Variants in ORC3 observed in about 807,000 individuals in gnomAD.
The protein encoded by ORC3 is homolog of latheo, Drosophila.
Under a neutral mutation model 100.7 loss-of-function variants are expected in ORC3, and 78 were observed. The observed-to-expected ratio is 0.77, with a 90% CI of 0.65 to 0.94. The LOEUF (loss-of-function observed/expected upper bound fraction) is 0.94. Ranked by LOEUF, ORC3 falls within the 40% of genes least tolerant of loss-of-function variation. The probability of loss-of-function intolerance (pLI) is 0.00; values close to 1 mark genes in which losing one functional copy is unlikely to be tolerated. For synonymous variants in ORC3, 295 were observed against 289.3 expected (o/e 1.02, Z -0.20); for missense variants, 789 against 823.9 (o/e 0.96, Z 0.52).
intron 11 of ORC3, among the ~76,000 whole-genome samples, chr6:87,624,123 C>T (rs1419180925): frequency 6.6e-6 from 1 of 152,082 alleles, no homozygotes; most frequent in Non-Finnish European, 1.5e-5. Flanking sequence ...GATTTGTACC[C>T]TTACCCTGAA....
At chr6:87,677,740 A>C in the ORC3 span, 1 of 1,495,772 alleles carries the variant, frequency 6.7e-7, no homozygotes, top group South Asian at 1.3e-5. Flanking sequence ...GTGTATAGAA[A>C]GTGAAATTAA....
intron 1 of ORC3, among the ~76,000 whole-genome samples, chr6:87,591,806 A>G (rs1200075697): frequency 6.6e-6 from 1 of 151,800 alleles, no homozygotes; most frequent in Non-Finnish European, 1.5e-5. Context: ...ATCTCGGCTC[A>G]CTGCAACCTC....
intron 2 of ORC3, chr6:87,594,702 TTA>T: frequency 1.2e-5 from 4 of 343,006 alleles, no homozygotes; most frequent in Non-Finnish European, 1.8e-5. Context: ...CATTGTTTTT[TTA>T]TCTACAACTT....
chr6:87,673,065 C>A, the ORC3 span, among the ~76,000 whole-genome samples: 1 of 151,018 alleles, frequency 6.6e-6, no homozygotes. Flanking sequence ...AATCAACTAC[C>A]GGACCCATCT....
chr6:87,667,634 G>GA (rs1359517821), downstream of ORC3, among the ~76,000 whole-genome samples: 80 of 137,786 alleles, frequency 5.8e-4, no homozygotes, highest in Middle Eastern at 3.6e-3. Flanking sequence ...CAACTTTAAA[G>GA]AAAAAAAAAA....
In ORC3 at chr6:87,649,185, A is replaced by G. The variant is rs1471221332; in HGVS notation, c.1383-3931A>G. 2.6e-5 allele frequency among the ~76,000 whole-genome samples: 4 copies of G among 152,176 alleles called. No homozygotes were observed. The South Asian group carries it at 8.3e-4, about 31-fold the overall frequency. On this transcript the variant is annotated intron_variant, in intron 13 of 19. Coordinates refer to ENST00000392844, the MANE Select transcript of ORC3 (RefSeq NM_012381.4). ...TGAGATAGTGACCTGTTTTTTTAAA[A>G]TAGTTAATTCTGATACCCAGTATCT...
chr6:87,650,050 T>G (rs1439679277), intron 13 of ORC3, among the ~76,000 whole-genome samples: 1 of 150,886 alleles, frequency 6.6e-6, no homozygotes, highest in Non-Finnish European at 1.5e-5. Context: ...TCACTTACTT[T>G]TTTACACTCT....
intron 16 of ORC3, among the ~76,000 whole-genome samples, chr6:87,662,029 A>AT (rs1297203015): frequency 6.6e-6 from 1 of 152,220 alleles, no homozygotes; most frequent in Non-Finnish European, 1.5e-5. Context: ...ATTATGGCAG[A>AT]TTTTTTATAA....
intron 14 of ORC3, among the ~76,000 whole-genome samples, chr6:87,655,053 C>T (rs1218458255): frequency 6.6e-6 from 1 of 152,154 alleles, no homozygotes; most frequent in Non-Finnish European, 1.5e-5. Context: ...TAATAATAAA[C>T]TGAAACTAAA....
At chr6:87,591,411 G>A (rs1776929600) in intron 1 of ORC3, among the ~76,000 whole-genome samples, 1 of 152,180 alleles carries the variant, frequency 6.6e-6, no homozygotes, top group African/African-American at 2.4e-5. Context: ...TGCTTTTAAA[G>A]ACTACATCTC....
At chr6:87,614,698 G>A (rs1425441808) in intron 8 of ORC3, among the ~76,000 whole-genome samples, 1 of 152,088 alleles carries the variant, frequency 6.6e-6, no homozygotes, top group Non-Finnish European at 1.5e-5. Context: ...CTGGGGCAGG[G>A]GCAAAATGCC....
chr6:87,602,954 A>ATATATATATATATACACATATATTTTAT lies in ORC3; in HGVS notation c.178-430_178-429insTATATATATATATACACATATATTTTAT, dbSNP rs1554236515. The stretch of plus-strand genomic sequence containing the variant: ...CGTTTATATATATATACACATATAT[A>ATATATATATATATACACATATATTTTAT]ATATATATATATATATACATATATA... On this transcript the variant is annotated intron_variant, in intron 3 of 19. Coordinates refer to ENST00000392844, the MANE Select transcript of ORC3 (RefSeq NM_012381.4). Among the ~76,000 whole-genome samples the ATATATATATATATACACATATATTTTAT allele has an allele frequency of 3.4e-4, 32 of 95,288 alleles. 1 individual carries two copies. Among genetic ancestry groups the ATATATATATATATACACATATATTTTAT allele is most frequent in the African/African-American group, 1.3e-3 (31 of 23,748 alleles). The allele number at this position is 95,288 out of a possible 152,430, so 62.5% of individuals were successfully genotyped here.
intron 11 of ORC3, among the ~76,000 whole-genome samples, chr6:87,634,039 TCTCACTATGTTG>T (rs1262411927): frequency 1.3e-5 from 2 of 151,976 alleles, no homozygotes; most frequent in Non-Finnish European, 2.9e-5. Context: ...ACAAATGAGG[TCTCACTATGTTG>T]CTCACCCAGG....
At chr6:87,635,358 C>T (rs547107405) in intron 12 of ORC3, among the ~76,000 whole-genome samples, 54 of 152,324 alleles carry the variant, frequency 3.5e-4, no homozygotes, top group Non-Finnish European at 6.9e-4. Flanking sequence ...AGCAGTACTT[C>T]TGCTGCTTGA....
chr6:87,607,972 A>C lies in ORC3; in HGVS notation c.579+148A>C, dbSNP rs569274024. 9.4e-4 allele frequency: 472 copies of C among 502,228 alleles called. 2 individuals carry two copies. Among genetic ancestry groups the C allele is most frequent in the Admixed American group, 1.8e-3 (45 of 25,166 alleles). 31.1% of individuals were successfully genotyped at this position (502,228 alleles called of 1,614,324 possible). ...TTAAAAGTAGGTATTTATTTTTTCT[A>C]ATGCTACTCGAATTTTAAAATGTTC... On this transcript the variant is annotated intron_variant, in intron 6 of 19. Coordinates refer to ENST00000392844, the MANE Select transcript of ORC3 (RefSeq NM_012381.4).
At chr6:87,633,685 A>G (rs1223574301) in intron 11 of ORC3, among the ~76,000 whole-genome samples, 3 of 152,194 alleles carry the variant, frequency 2.0e-5, no homozygotes, top group Non-Finnish European at 4.4e-5. Flanking sequence ...TCTGCAAGAT[A>G]TTACTGAAAT....
At chr6:87,635,534 C>G (rs775508013) in intron 12 of ORC3, among the ~76,000 whole-genome samples, 2 of 152,178 alleles carry the variant, frequency 1.3e-5, no homozygotes, top group Non-Finnish European at 2.9e-5. Context: ...CAGTGACTCA[C>G]GCCTGTAATC....
intron 5 of ORC3, among the ~76,000 whole-genome samples, chr6:87,607,007 CAT>C (rs915052264): frequency 2.6e-5 from 4 of 152,160 alleles, no homozygotes; most frequent in African/African-American, 7.2e-5. Flanking sequence ...TAAAATAATT[CAT>C]ATGACACTTG....
downstream of ORC3, among the ~76,000 whole-genome samples, chr6:87,670,498 A>G (rs1218421927): frequency 2.0e-5 from 3 of 152,110 alleles, no homozygotes; most frequent in Non-Finnish European, 2.9e-5. Flanking sequence ...TGAATACACA[A>G]AAGAGCTATA....
Sources: allele counts gnomAD v4.1 joint callset (sites outside exome capture counted in the v4.1 genomes callset), GRCh38; gene constraint gnomAD v4.1.1; transcripts MANE v1.5; gene names NCBI Gene and HGNC (gene_info 2026-07-23, HGNC 2026-07-21).